LINGO2: variants seen among roughly 807,000 people sequenced by gnomAD.
LINGO2 encodes the protein leucine rich repeat and Ig domain containing 2.
A neutral mutation model predicts 30.6 loss-of-function variants in LINGO2; 14 were observed. The observed-to-expected ratio is 0.46, with a 90% CI of 0.30 to 0.72. LINGO2 has a LOEUF of 0.72. LINGO2 is among the 30% of genes least tolerant of loss of function. The probability of loss-of-function intolerance (pLI) is 0.07; values close to 1 mark genes in which losing one functional copy is unlikely to be tolerated. For missense variants in LINGO2, 729 were observed against 751.7 expected (o/e 0.97, Z 0.35); for synonymous variants, 317 against 288.5 (o/e 1.10, Z -1.00).
At chr9:27,966,501 A>G (rs1488981693) in intron 5 of LINGO2, among the ~76,000 whole-genome samples, 1 of 152,130 alleles carries the variant, frequency 6.6e-6, no homozygotes, top group Non-Finnish European at 1.5e-5. Flanking sequence ...GTTCTCACTC[A>G]TAAGTGGGAA....
intron 4 of LINGO2, among the ~76,000 whole-genome samples, chr9:28,152,567 A>C (rs1029316637): frequency 6.6e-6 from 1 of 152,232 alleles, no homozygotes; most frequent in African/African-American, 2.4e-5. Context: ...GAACCTCACA[A>C]TAAACTCAAA....
intron 4 of LINGO2, among the ~76,000 whole-genome samples, chr9:28,210,062 T>A (rs1050979169): frequency 3.3e-5 from 5 of 151,746 alleles, no homozygotes; most frequent in African/African-American, 9.7e-5. Context: ...CCTTTACCCT[T>A]TAAAGAGGGA....
the LINGO2 span, among the ~76,000 whole-genome samples, chr9:29,035,111 A>G: frequency 3.9e-5 from 6 of 152,182 alleles, no homozygotes; most frequent in African/African-American, 1.4e-4. Flanking sequence ...TCTGGAATAT[A>G]CATAAGACAT....
intron 5 of LINGO2, among the ~76,000 whole-genome samples, chr9:27,991,849 A>G (rs1414580247): frequency 1.3e-5 from 2 of 152,064 alleles, no homozygotes; most frequent in East Asian, 3.9e-4. Context: ...AAAATATTAT[A>G]TGTTTCAGTA....
chr9:29,179,150 T>C, the LINGO2 span, among the ~76,000 whole-genome samples: 1 of 124,352 alleles, frequency 8.0e-6, no homozygotes, highest in Non-Finnish European at 1.6e-5. Flanking sequence ...ATGTTCCTTC[T>C]TACTGTAAAT....
intron 3 of LINGO2, among the ~76,000 whole-genome samples, chr9:28,351,248 G>C (rs1371683076): frequency 6.9e-6 from 1 of 145,686 alleles, no homozygotes; most frequent in African/African-American, 2.5e-5. Flanking sequence ...TTGATAGACC[G>C]CTAGCAAGAC....
At chr9:28,572,046 T>C (rs948707336) in intron 1 of LINGO2, among the ~76,000 whole-genome samples, 8 of 152,078 alleles carry the variant, frequency 5.3e-5, no homozygotes, top group Admixed American at 1.3e-4. Context: ...ATATGAATGA[T>C]AGACTGACTC....
At chr9:28,336,033 A>G (rs1825578247) in intron 3 of LINGO2, among the ~76,000 whole-genome samples, 1 of 152,084 alleles carries the variant, frequency 6.6e-6, no homozygotes, top group African/African-American at 2.4e-5. Context: ...GAGTGGTTAT[A>G]CAATTTTACA....
intron 1 of LINGO2, among the ~76,000 whole-genome samples, chr9:28,623,074 G>T (rs921807149): frequency 6.6e-6 from 1 of 151,764 alleles, no homozygotes; most frequent in Non-Finnish European, 1.5e-5. Context: ...TTTGCTCCTT[G>T]TATATTCTGG....
At chr9:29,167,233 G>C in the LINGO2 span, among the ~76,000 whole-genome samples, 2 of 152,088 alleles carry the variant, frequency 1.3e-5, no homozygotes, top group African/African-American at 4.8e-5. Context: ...AGAATGCTTT[G>C]AATAAAATCA....
chr9:28,405,974 C>T (rs1315783767), intron 2 of LINGO2, among the ~76,000 whole-genome samples: 1 of 152,120 alleles, frequency 6.6e-6, no homozygotes, highest in Non-Finnish European at 1.5e-5. Context: ...TACTTTAATT[C>T]CTAAATATGC....
rs573617351 is a variant in LINGO2 at position 28,044,739 on chromosome 9, A to G, written c.-86-32334T>C. Among the ~76,000 whole-genome samples, 195 of 150,998 alleles carry G rather than the reference A, an allele frequency of 1.3e-3. 1 individual carries two copies. Among genetic ancestry groups the G allele is most frequent in the Middle Eastern group, 3.4e-3 (1 of 294 alleles). On this transcript the variant is annotated intron_variant, in intron 4 of 5. Transcript: ENST00000379992. ...GAACAAAAAGTCCAAACTGGAAGGG[A>G]AGAGAGTTAGGGCAAGCAGGTGGGA...
At chr9:28,873,938 A>T in the LINGO2 span, among the ~76,000 whole-genome samples, 1 of 151,980 alleles carries the variant, frequency 6.6e-6, no homozygotes, top group Non-Finnish European at 1.5e-5. Flanking sequence ...ATCTAATACT[A>T]ATTGAAAATA....
chr9:28,354,328 G>A (rs534750494), intron 3 of LINGO2, among the ~76,000 whole-genome samples: 1 of 152,076 alleles, frequency 6.6e-6, no homozygotes, highest in African/African-American at 2.4e-5. Flanking sequence ...TGGTAATTAT[G>A]CAAATTCATG....
the LINGO2 span, among the ~76,000 whole-genome samples, chr9:29,152,936 C>T: frequency 2.0e-5 from 3 of 152,046 alleles, no homozygotes; most frequent in African/African-American, 7.2e-5. Context: ...AGTGAAACAA[C>T]ATATGTAAAA....
the LINGO2 span, among the ~76,000 whole-genome samples, chr9:29,104,982 G>T: frequency 3.2e-4 from 48 of 152,286 alleles, no homozygotes; most frequent in Non-Finnish European, 2.6e-4. Context: ...TGGGACTCTG[G>T]AACGCAATGG....
At chr9:28,032,109 A>G (rs758184767) in intron 4 of LINGO2, among the ~76,000 whole-genome samples, 2 of 151,984 alleles carry the variant, frequency 1.3e-5, no homozygotes, top group Non-Finnish European at 2.9e-5. Context: ...GAAAATAAAA[A>G]CAGCTTTGGC....
rs181638564 is a variant in LINGO2, at chr9:28,340,608, G to T, written c.-246+32228C>A. ...TATTCTTTACAAATTTTCTGAACAAGAGTGAGTAAAAGTCTCCCCTTTGTT... is the reference window on the plus strand; with the variant it reads ...TATTCTTTACAAATTTTCTGAACAATAGTGAGTAAAAGTCTCCCCTTTGTT... On this transcript the variant is annotated intron_variant, in intron 3 of 5. Coordinates refer to ENST00000379992, the Ensembl canonical transcript of LINGO2. 1.9e-3 allele frequency among the ~76,000 whole-genome samples: 291 copies of T among 152,166 alleles called. 2 individuals carry two copies. Among genetic ancestry groups the T allele is most frequent in the African/African-American group, 6.5e-3 (269 of 41,534 alleles).
chr9:28,101,362 G>A lies in LINGO2; in HGVS notation c.-86-88957C>T, dbSNP rs183549466. ...ATTTTTACTAACAGAGCAACCAAAT[G>A]TTAGTATACAAAATTAAAGTAAGAC... On this transcript the variant is annotated intron_variant, in intron 4 of 5. Transcript: ENST00000379992. Among the ~76,000 whole-genome samples, 3 of 152,088 alleles carry A rather than the reference G, an allele frequency of 2.0e-5. No homozygotes were observed. In the East Asian group the frequency reaches 5.8e-4, roughly 29 times the overall value.
Sources: allele counts gnomAD v4.1 joint callset (sites outside exome capture counted in the v4.1 genomes callset), GRCh38; gene constraint gnomAD v4.1.1; transcripts MANE v1.5; gene names NCBI Gene and HGNC (gene_info 2026-07-23, HGNC 2026-07-21).